GALNTL6: variants seen among roughly 807,000 people sequenced by gnomAD.
The protein encoded by GALNTL6 is polypeptide N-acetylgalactosaminyltransferase like 6.
In GALNTL6, 46 loss-of-function variants were observed where a neutral mutation model predicts 73.7. That is an observed-to-expected ratio of 0.62 (90% CI 0.49 to 0.80). The LOEUF (loss-of-function observed/expected upper bound fraction) is 0.80. Among genes scored for constraint, GALNTL6 ranks in the 30% least tolerant of loss-of-function variants. The probability of loss-of-function intolerance (pLI) is 0.00; values close to 1 mark genes in which losing one functional copy is unlikely to be tolerated. For synonymous variants in GALNTL6, 259 were observed against 263.7 expected, an observed-to-expected ratio of 0.98 and a Z score of 0.17; for missense variants, 604 against 755.0, an observed-to-expected ratio of 0.80 and a Z score of 2.34.
chr4:172,805,669 A>C (rs1357855132), intron 5 of GALNTL6, among the ~76,000 whole-genome samples: 2 of 152,208 alleles, frequency 1.3e-5, no homozygotes, highest in African/African-American at 2.4e-5. Context: ...ATTTAAAATT[A>C]AAGAAGTTCA....
intron 5 of GALNTL6, among the ~76,000 whole-genome samples, chr4:172,771,908 C>A (rs1738787003): frequency 6.6e-6 from 1 of 151,806 alleles, no homozygotes; most frequent in Non-Finnish European, 1.5e-5. Context: ...ACATTCAATA[C>A]AATTTGTATT....
chr4:172,066,310 T>C (rs1286782195), intron 2 of GALNTL6, among the ~76,000 whole-genome samples: 2 of 152,214 alleles, frequency 1.3e-5, no homozygotes, highest in Non-Finnish European at 2.9e-5. Flanking sequence ...TCCATAGTTT[T>C]GCTTTTTCCA....
chr4:172,043,050 C>T (rs1317392144), intron 2 of GALNTL6, among the ~76,000 whole-genome samples: 1 of 151,898 alleles, frequency 6.6e-6, no homozygotes, highest in Non-Finnish European at 1.5e-5. Context: ...TTCAGCCACA[C>T]AACACTTTGG....
intron 2 of GALNTL6, among the ~76,000 whole-genome samples, chr4:172,126,202 TAAG>T (rs1210778930): frequency 6.6e-6 from 1 of 152,194 alleles, no homozygotes; most frequent in African/African-American, 2.4e-5. Context: ...CTATAAAACT[TAAG>T]AAGTCAATAA....
chr4:172,418,360 A>T (rs968032571), intron 5 of GALNTL6, among the ~76,000 whole-genome samples: 1 of 152,186 alleles, frequency 6.6e-6, no homozygotes, highest in African/African-American at 2.4e-5. Flanking sequence ...TTGTTCTGAC[A>T]GATGGAATGT....
intron 10 of GALNTL6, among the ~76,000 whole-genome samples, chr4:173,001,567 G>A (rs2126477393): frequency 6.6e-6 from 1 of 152,270 alleles, no homozygotes; most frequent in East Asian, 1.9e-4. Flanking sequence ...ACAATTGACA[G>A]AATGAAAAGG....
At chr4:172,705,213 A>ATTTTT (rs58644433) in intron 5 of GALNTL6, among the ~76,000 whole-genome samples, 35 of 146,398 alleles carry the variant, frequency 2.4e-4, no homozygotes, top group African/African-American at 8.5e-4. Flanking sequence ...TACTACTGCT[A>ATTTTT]TTTTTTTTTT....
At chr4:172,075,926 G>A (rs888592422) in intron 2 of GALNTL6, among the ~76,000 whole-genome samples, 1 of 152,178 alleles carries the variant, frequency 6.6e-6, no homozygotes, top group Non-Finnish European at 1.5e-5. Context: ...AAATTTGTGA[G>A]ATAGTTTACA....
chr4:172,360,057 G>A (rs1411729537), intron 5 of GALNTL6, among the ~76,000 whole-genome samples: 1 of 152,172 alleles, frequency 6.6e-6, no homozygotes, highest in Admixed American at 6.6e-5. Context: ...CTGCCCTGCT[G>A]ACTTACTTAA....
intron 5 of GALNTL6, among the ~76,000 whole-genome samples, chr4:172,427,617 T>C (rs1731279850): frequency 6.6e-6 from 1 of 152,134 alleles, no homozygotes. Flanking sequence ...TATACAACAA[T>C]TAATGAAGCT....
intron 4 of GALNTL6, among the ~76,000 whole-genome samples, chr4:172,342,722 T>C (rs1381302593): frequency 6.6e-6 from 1 of 152,212 alleles, no homozygotes; most frequent in East Asian, 1.9e-4. Flanking sequence ...CTTTTCTTGT[T>C]TTGTTCTAAA....
chr4:172,831,157 C>CAAAAAAAAAAAAAAAAAA (rs60870698), intron 7 of GALNTL6, among the ~76,000 whole-genome samples: 2 of 63,902 alleles, frequency 3.1e-5, no homozygotes, highest in African/African-American at 6.2e-5. Context: ...GACTCCCTCT[C>CAAAAAAAAAAAAAAAAAA]AAAAAAAAAA....
intron 5 of GALNTL6, among the ~76,000 whole-genome samples, chr4:172,703,598 C>A (rs981079599): frequency 3.3e-5 from 5 of 151,864 alleles, no homozygotes; most frequent in African/African-American, 7.2e-5. Context: ...AGTTTTCCAG[C>A]ATTTTGTGAG....
At chr4:172,821,131 A>G (rs1291571531) in intron 7 of GALNTL6, among the ~76,000 whole-genome samples, 2 of 152,330 alleles carry the variant, frequency 1.3e-5, no homozygotes, top group Middle Eastern at 3.4e-3. Flanking sequence ...AGCCCTCACT[A>G]TATTATCTAA....
intron 2 of GALNTL6, among the ~76,000 whole-genome samples, chr4:171,836,388 G>C (rs543349916): frequency 2.0e-5 from 3 of 152,072 alleles, no homozygotes; most frequent in African/African-American, 7.2e-5. Context: ...GGCCAAGTCA[G>C]TATATTTTTA....
intron 2 of GALNTL6, among the ~76,000 whole-genome samples, chr4:172,140,494 C>T (rs1329910548): frequency 6.6e-6 from 1 of 152,026 alleles, no homozygotes; most frequent in Non-Finnish European, 1.5e-5. Context: ...AATATCAGCG[C>T]ATTTAATCCT....
chr4:172,325,148 A>G (rs1740899125), intron 4 of GALNTL6, among the ~76,000 whole-genome samples: 1 of 151,916 alleles, frequency 6.6e-6, no homozygotes, highest in African/African-American at 2.4e-5. Context: ...TCAATTATGA[A>G]ACATAGACAT....
At chr4:172,668,460 G>T (rs954225076) in intron 5 of GALNTL6, 1 of 152,120 alleles carries the variant, frequency 6.6e-6, no homozygotes, top group African/African-American at 2.4e-5. Flanking sequence ...TCAAACAGCC[G>T]ATGTGAATTT....
intron 8 of GALNTL6, among the ~76,000 whole-genome samples, chr4:172,902,143 G>A (rs1037783842): frequency 2.0e-5 from 3 of 152,120 alleles, no homozygotes; most frequent in South Asian, 2.1e-4. Context: ...CAGACCTAAC[G>A]ATGTGCATAA....
Sources: gnomAD v4.1 joint callset for allele counts (sites outside exome capture counted in the v4.1 genomes callset) on GRCh38, gnomAD v4.1.1 for gene constraint, MANE v1.5 for transcripts, NCBI Gene and HGNC (gene_info 2026-07-23, HGNC 2026-07-21) for gene names.